The following REG4 variants were observed in gnomAD, a reference collection of about 807,000 sequenced individuals.
The protein encoded by REG4 is regenerating islet-derived protein 4.
Under a neutral mutation model 22.3 loss-of-function variants are expected in REG4, and 16 were observed. That is an observed-to-expected ratio of 0.72 (90% CI 0.49 to 1.09). The LOEUF (loss-of-function observed/expected upper bound fraction) is 1.09. REG4 is among the 50% of genes least tolerant of loss of function. The pLI is 0.00. For missense variants in REG4, 214 were observed against 193.9 expected (o/e 1.10, Z -0.61); for synonymous variants, 71 against 69.2 (o/e 1.03, Z -0.13).
chr1:119,801,190 C>A (rs1411584833), intron 3 of REG4: 1 of 152,074 alleles, frequency 6.6e-6, no homozygotes, highest in East Asian at 1.9e-4. Flanking sequence ...TGTATATAAA[C>A]TTTATTTTAT....
At chr1:119,810,419 T>C (rs1385469703) in intron 1 of REG4, among the ~76,000 whole-genome samples, 1 of 152,338 alleles carries the variant, frequency 6.6e-6, no homozygotes, top group African/African-American at 2.4e-5. Context: ...AAGAGAATAA[T>C]GTAAATGATG....
intron 1 of REG4, among the ~76,000 whole-genome samples, chr1:119,810,633 G>A (rs1018901838): frequency 1.3e-5 from 2 of 152,150 alleles, no homozygotes; most frequent in Non-Finnish European, 2.9e-5. Flanking sequence ...CCTTTAAAAC[G>A]CAAACAGAAT....
chr1:119,810,900 A>C (rs1490241804), intron 1 of REG4, among the ~76,000 whole-genome samples: 2 of 152,104 alleles, frequency 1.3e-5, no homozygotes, highest in Non-Finnish European at 2.9e-5. Flanking sequence ...TAAAAAATAC[A>C]AAAATTAGCT....
intron 2 of REG4, among the ~76,000 whole-genome samples, chr1:119,804,330 A>G (rs1356712640): frequency 1.3e-5 from 2 of 152,128 alleles, no homozygotes; most frequent in Admixed American, 6.5e-5. Flanking sequence ...CTTTCAGATG[A>G]GCTCTCTGCT....
intron 3 of REG4, among the ~76,000 whole-genome samples, chr1:119,800,802 T>C (rs938267699): frequency 7.9e-5 from 12 of 152,132 alleles, no homozygotes; most frequent in African/African-American, 2.7e-4. Context: ...GAGGTGAATA[T>C]GCCCACCCCT....
intron 1 of REG4, among the ~76,000 whole-genome samples, chr1:119,810,913 G>C (rs1243881730): frequency 6.6e-6 from 1 of 152,104 alleles, no homozygotes. Context: ...AATTAGCTGG[G>C]CGTGGTGGCA....
chr1:119,806,879 T>C (rs1445646325), intron 2 of REG4, among the ~76,000 whole-genome samples: 1 of 152,232 alleles, frequency 6.6e-6, no homozygotes, highest in East Asian at 1.9e-4. Flanking sequence ...GTCTGTACAG[T>C]GGGATCAACA....
chr1:119,799,279 G>A (rs1415832566), intron 4 of REG4, among the ~76,000 whole-genome samples: 3 of 151,830 alleles, frequency 2.0e-5, no homozygotes, highest in Admixed American at 2.0e-4. Flanking sequence ...GGAAGTTACA[G>A]TGAAAAACAT....
At chr1:119,808,393 T>C (rs1406984304) in intron 2 of REG4, among the ~76,000 whole-genome samples, 4 of 152,208 alleles carry the variant, frequency 2.6e-5, no homozygotes, top group Admixed American at 6.5e-5. Context: ...CTATGACTTA[T>C]TGACAATCTG....
At chr1:119,804,421 G>A (rs587599911) in intron 2 of REG4, among the ~76,000 whole-genome samples, 15 of 152,266 alleles carry the variant, frequency 9.9e-5, no homozygotes, top group Non-Finnish European at 1.6e-4. Context: ...TCCCAGCTCC[G>A]TCTTGGAACA....
rs1467663208 is a variant in REG4 at position 119,799,799 on chromosome 1, T to G, written c.229A>C (p.Ser77Arg). The stretch of plus-strand genomic sequence containing the variant: ...CCACTTATGTACTCTGCTATGGTGC[T>G]GGCTTCCTTTAAACTCAGGATAGAT... ...LASILSLKEASTIAEYISGYQ... is the reference protein window; with the variant it reads ...LASILSLKEARTIAEYISGYQ... Residue 77 changes from serine (S) to arginine (R), a missense_variant, in exon 4 of 6, where the codon AGC (serine) becomes CGC (arginine). Coordinates refer to ENST00000256585, the MANE Select transcript of REG4 (RefSeq NM_032044.4). 5.0e-6 allele frequency: 8 copies of G among 1,614,102 alleles called. No homozygotes were observed. The highest frequency in any genetic ancestry group is 6.8e-6 in the Non-Finnish European group (8 of 1,180,064).
intron 5 of REG4, among the ~76,000 whole-genome samples, chr1:119,797,460 CAACAGTA>C (rs1241588644): frequency 6.6e-6 from 1 of 152,200 alleles, no homozygotes. Flanking sequence ...ATTCCTCTGA[CAACAGTA>C]AACTGCCCCC....
chr1:119,797,678 T>C (rs911552295), intron 5 of REG4, among the ~76,000 whole-genome samples: 8 of 152,214 alleles, frequency 5.3e-5, no homozygotes, highest in Admixed American at 3.3e-4. Flanking sequence ...CTTGTACAGC[T>C]GAAGTTTTCT....
chr1:119,807,546 G>A (rs1489114596), intron 2 of REG4, among the ~76,000 whole-genome samples: 1 of 152,216 alleles, frequency 6.6e-6, no homozygotes, highest in African/African-American at 2.4e-5. Context: ...AACAAGAGTG[G>A]CAGGGAACCA....
chr1:119,800,003 G>T, intron 3 of REG4, 141 bp from the exon 4 acceptor site: 1 of 1,079,844 alleles, frequency 9.3e-7, no homozygotes, highest in Non-Finnish European at 1.3e-6. Flanking sequence ...CCCACAGAAG[G>T]CTTCCTGCCA....
chr1:119,810,994 C>A (rs587632355), intron 1 of REG4, among the ~76,000 whole-genome samples: 1 of 152,272 alleles, frequency 6.6e-6, no homozygotes, highest in Non-Finnish European at 1.5e-5. Flanking sequence ...GCAGAAGTTG[C>A]AGTGAGCCAA....
chr1:119,802,872 C>G, intron 3 of REG4, 196 bp downstream of exon 3: 1 of 1,550,412 alleles, frequency 6.4e-7, no homozygotes, highest in Non-Finnish European at 8.7e-7. Context: ...GTCTGGCATA[C>G]AGCACCTGCT....
intron 2 of REG4, among the ~76,000 whole-genome samples, chr1:119,805,925 C>T (rs370387054): frequency 5.3e-5 from 8 of 152,046 alleles, no homozygotes; most frequent in East Asian, 1.9e-4. Flanking sequence ...AACCAACGGC[C>T]GCTCTGCTGC....
chr1:119,797,693 C>T (rs587706017), intron 5 of REG4, among the ~76,000 whole-genome samples: 13 of 152,254 alleles, frequency 8.5e-5, no homozygotes, highest in African/African-American at 2.9e-4. Flanking sequence ...TTTTCTACAC[C>T]GCTTATTAAT....
Sources: gnomAD v4.1 joint callset for allele counts (sites outside exome capture counted in the v4.1 genomes callset) on GRCh38, gnomAD v4.1.1 for gene constraint, MANE v1.5 for transcripts, NCBI Gene and HGNC (gene_info 2026-07-23, HGNC 2026-07-21) for gene names.